Variants in MYO10 observed in about 807,000 individuals in gnomAD.
MYO10 encodes the protein unconventional myosin-X.
A neutral mutation model predicts 257.3 loss-of-function variants in MYO10; 133 were observed. The observed-to-expected ratio is 0.52, with a 90% CI of 0.45 to 0.60. The LOEUF (loss-of-function observed/expected upper bound fraction) is 0.60, where lower values mean the gene tolerates loss of function less well. MYO10 is among the 20% of genes least tolerant of loss of function. The pLI is 0.00. For synonymous variants in MYO10, 1,104 were observed against 1,028.6 expected (o/e 1.07, Z -1.40); for missense variants, 2,399 against 2,635.7 (o/e 0.91, Z 1.97).
chr5:16,835,995 C>A (rs778464565), intron 2 of MYO10, among the ~76,000 whole-genome samples: 6 of 152,078 alleles, frequency 3.9e-5, no homozygotes, highest in Non-Finnish European at 7.3e-5. Flanking sequence ...AAGCCCTGCA[C>A]AGCTTGTACC....
intron 17 of MYO10, among the ~76,000 whole-genome samples, chr5:16,760,986 T>A (rs145155304): frequency 0.069 from 9,667 of 139,890 alleles, 878 homozygotes; most frequent in African/African-American, 0.24. Flanking sequence ...ATTATTAATT[T>A]ATTTATTTAT....
chr5:16,824,816 A>G lies in MYO10; in HGVS notation c.121-6649T>C, dbSNP rs544322150. Among the ~76,000 whole-genome samples the G allele has an allele frequency of 1.4e-4, 21 of 152,236 alleles. No individual in the cohort carries two copies. In the South Asian group the frequency reaches 4.1e-3, roughly 30 times the overall value. ...CGGGAGGCGGAGGTTGCAGTGAGCC[A>G]AGATCACACCACTACACACCAGACT... On this transcript the variant is annotated intron_variant, in intron 2 of 40. Coordinates refer to ENST00000513610, the MANE Select transcript of MYO10 (RefSeq NM_012334.3).
intron 2 of MYO10, among the ~76,000 whole-genome samples, chr5:16,867,798 T>C (rs148714929): frequency 2.1e-3 from 322 of 152,282 alleles, no homozygotes; most frequent in African/African-American, 7.3e-3. Flanking sequence ...CCCATGATCT[T>C]TTAGTGGATT....
intron 2 of MYO10, among the ~76,000 whole-genome samples, chr5:16,849,483 G>GA (rs1287674986): frequency 3.9e-5 from 6 of 152,156 alleles, no homozygotes; most frequent in African/African-American, 1.4e-4. Context: ...TATATCCAGA[G>GA]ATTCTTATAA....
chr5:16,871,354 C>T (rs930089121), intron 2 of MYO10, among the ~76,000 whole-genome samples: 1 of 152,208 alleles, frequency 6.6e-6, no homozygotes, highest in Non-Finnish European at 1.5e-5. Flanking sequence ...GTGGCTCATG[C>T]CTGTAATCCC....
intron 25 of MYO10, among the ~76,000 whole-genome samples, chr5:16,700,357 TAA>T (rs1252249184): frequency 6.6e-6 from 1 of 152,106 alleles, no homozygotes; most frequent in Non-Finnish European, 1.5e-5. Context: ...AGAAATAAAA[TAA>T]AATAAACAAA....
chr5:16,774,795 G>A (rs939222584), intron 9 of MYO10, among the ~76,000 whole-genome samples: 1 of 152,130 alleles, frequency 6.6e-6, no homozygotes, highest in African/African-American at 2.4e-5. Context: ...GACCACCCAA[G>A]TTTTCCAACA....
intron 2 of MYO10, among the ~76,000 whole-genome samples, chr5:16,822,381 G>A (rs1179661934): frequency 1.3e-5 from 2 of 152,196 alleles, no homozygotes; most frequent in Non-Finnish European, 2.9e-5. Flanking sequence ...TCTAGGCACT[G>A]GGGATCGAGC....
At chr5:16,688,463 C>G (rs1012721469) in intron 28 of MYO10, among the ~76,000 whole-genome samples, 1 of 152,084 alleles carries the variant, frequency 6.6e-6, no homozygotes, top group African/African-American at 2.4e-5. Flanking sequence ...ACGTTCTCAG[C>G]CAGGAAGAGG....
At chr5:16,697,910 C>G (rs1398634307) in intron 26 of MYO10, among the ~76,000 whole-genome samples, 1 of 152,208 alleles carries the variant, frequency 6.6e-6, no homozygotes, top group Non-Finnish European at 1.5e-5. Flanking sequence ...CCTCTCCAGT[C>G]TAGGTCCATG....
chr5:16,850,203 C>G (rs1021452025), intron 2 of MYO10, among the ~76,000 whole-genome samples: 1 of 152,220 alleles, frequency 6.6e-6, no homozygotes, highest in Non-Finnish European at 1.5e-5. Flanking sequence ...TCGATTCATT[C>G]TGCTATTCTT....
intron 19 of MYO10, among the ~76,000 whole-genome samples, chr5:16,743,220 G>A (rs1740074387): frequency 6.6e-6 from 1 of 152,162 alleles, no homozygotes; most frequent in Non-Finnish European, 1.5e-5. Context: ...CAAATGCACA[G>A]AGGAGTGAAA....
chr5:16,737,745 G>GA (rs1210093514), intron 19 of MYO10, among the ~76,000 whole-genome samples: 1 of 152,158 alleles, frequency 6.6e-6, no homozygotes, highest in Non-Finnish European at 1.5e-5. Flanking sequence ...GTTGAGAGAG[G>GA]AGAGTGTTAC....
intron 19 of MYO10, chr5:16,742,078 C>T: frequency 2.0e-6 from 2 of 985,412 alleles, no homozygotes; most frequent in Non-Finnish European, 2.4e-6. Flanking sequence ...CACGCATCAA[C>T]AAATGTGTAA....
chr5:16,702,676 C>T, intron 23 of MYO10, 88 bp from the exon 24 acceptor site: 1 of 1,299,498 alleles, frequency 7.7e-7, no homozygotes, highest in South Asian at 1.3e-5. Flanking sequence ...AACAGCTTTG[C>T]CAAAGACAGA....
rs553527701 is a variant in MYO10, at chr5:16,778,885, T to C, written c.930+660A>G. Among the ~76,000 whole-genome samples the C allele has an allele frequency of 5.2e-4, 79 of 152,018 alleles. 1 individual carries two copies. The highest frequency in any genetic ancestry group is 3.4e-3 in the Middle Eastern group (1 of 294). ...GTTTGTATTTTTAGTGGAGACGGGG[T>C]TTCACCGTGTTAGCCAGGATGGTCT... On this transcript the variant is annotated intron_variant, in intron 9 of 40. Coordinates refer to ENST00000513610, the MANE Select transcript of MYO10 (RefSeq NM_012334.3).
Position 16,754,922 on chromosome 5 carries a change from T to C in MYO10, c.1849-14A>G. The C allele has an allele frequency of 6.6e-7, 1 of 1,526,456 alleles. No individual in the cohort carries two copies. Among genetic ancestry groups the C allele is most frequent in the Non-Finnish European group, 8.9e-7 (1 of 1,117,436 alleles). 94.6% of individuals were successfully genotyped at this position (1,526,456 alleles called of 1,614,324 possible). ...ATGCAGTGAGTCCTATTAGAAAAAG[T>C]ATATGTTGATTTAGTCTCTTATTAT... is the stretch of plus-strand genomic sequence containing the variant. On this transcript the variant is annotated splice_polypyrimidine_tract_variant and intron_variant, in intron 18 of 40. Transcript: ENST00000513610.
chr5:16,768,440 A>T (rs1740942873), intron 10 of MYO10, among the ~76,000 whole-genome samples: 1 of 152,064 alleles, frequency 6.6e-6, no homozygotes, highest in Non-Finnish European at 1.5e-5. Flanking sequence ...ACTCAACAGG[A>T]CAATGCCACC....
intron 14 of MYO10, among the ~76,000 whole-genome samples, chr5:16,763,018 G>A: frequency 1.3e-5 from 2 of 149,852 alleles, no homozygotes; most frequent in South Asian, 2.1e-4. Context: ...AACTATTTGA[G>A]AGCTCTTCTC....
Sources: allele counts gnomAD v4.1 joint callset (sites outside exome capture counted in the v4.1 genomes callset), GRCh38; gene constraint gnomAD v4.1.1; transcripts MANE v1.5; gene names NCBI Gene and HGNC (gene_info 2026-07-23, HGNC 2026-07-21).